CEP78: variants seen among roughly 807,000 people sequenced by gnomAD.
The protein encoded by CEP78 is centrosomal protein 78, also known as centrosomal protein of 78 kDa.
Under a neutral mutation model 81.2 loss-of-function variants are expected in CEP78, and 76 were observed. The ratio of observed to expected loss-of-function variants is 0.94; its 90% confidence interval spans 0.78 to 1.13. CEP78 has a LOEUF of 1.13. Among genes scored for constraint, CEP78 ranks in the 50% most tolerant of loss-of-function variants. The pLI, the probability that CEP78 is intolerant of heterozygous loss-of-function variation, is 0.00. For synonymous variants in CEP78, 293 were observed against 301.4 expected (o/e 0.97, Z 0.29); for missense variants, 918 against 846.8 (o/e 1.08, Z -1.04).
intron 9 of CEP78, among the ~76,000 whole-genome samples, chr9:78,252,942 G>A (rs536813961): frequency 1.3e-5 from 2 of 152,196 alleles, no homozygotes; most frequent in Non-Finnish European, 2.9e-5. Context: ...ACAAGGAGTT[G>A]TGAATTAGAG....
chr9:78,258,919 G>A (rs1032936283), intron 11 of CEP78, among the ~76,000 whole-genome samples: 1 of 152,130 alleles, frequency 6.6e-6, no homozygotes, highest in Non-Finnish European at 1.5e-5. Flanking sequence ...AAGTATAAGT[G>A]AGCACACCTA....
intron 6 of CEP78, among the ~76,000 whole-genome samples, chr9:78,247,251 G>A (rs1322201411): frequency 6.6e-6 from 1 of 152,208 alleles, no homozygotes; most frequent in Non-Finnish European, 1.5e-5. Flanking sequence ...ATACCGTAAG[G>A]TAAGAAGACA....
intron 11 of CEP78, among the ~76,000 whole-genome samples, chr9:78,255,738 G>A (rs1414941569): frequency 2.6e-5 from 4 of 152,198 alleles, no homozygotes; most frequent in African/African-American, 4.8e-5. Flanking sequence ...TATAGATAAT[G>A]TAGAATTGTC....
intron 4 of CEP78, among the ~76,000 whole-genome samples, chr9:78,242,681 A>G (rs1826291046): frequency 6.6e-6 from 1 of 152,208 alleles, no homozygotes; most frequent in South Asian, 2.1e-4. Flanking sequence ...ACGGAGTCAT[A>G]GGAGCTTTGA....
In CEP78 at chr9:78,272,328, A is replaced by G. The variant is rs1332366727; in HGVS notation, c.*1477A>G. 1.3e-5 allele frequency: 2 copies of G among 152,266 alleles called. No homozygotes were observed. The highest frequency in any genetic ancestry group is 2.4e-5 in the African/African-American group (1 of 41,460). The allele number at this position is 152,266 out of a possible 1,614,324, so 9.4% of individuals were successfully genotyped here. A position where few individuals can be genotyped will look rare whatever the true frequency, so the allele number is the denominator to read the frequency against. Reference sequence around the variant, plus strand: ...GACCTGAGCCACTGTGCCCAGCCCCATGAAAGATGTTTAGATCAAATAAAC... The same window carrying G: ...GACCTGAGCCACTGTGCCCAGCCCCGTGAAAGATGTTTAGATCAAATAAAC... On this transcript the variant is annotated 3_prime_UTR_variant, in exon 17 of 17. Transcript: ENST00000643273.
Position 78,265,534 on chromosome 9 carries a change from A to G in CEP78, c.1788A>G (p.Gln596=), listed in dbSNP as rs61730341. 3,026 of 1,566,260 alleles carry G rather than the reference A, an allele frequency of 1.9e-3. 58 individuals are homozygous for G. In the African/African-American group the frequency reaches 0.034, roughly 17 times the overall value. Residue 596 remains glutamine, a synonymous_variant, in exon 14 of 17, where the codon CAA becomes CAG. Coordinates refer to ENST00000643273, the MANE Select transcript of CEP78 (RefSeq NM_001330691.3). ...AGCAGAATGCCCTAGGGCAAATGCAAAATATCCAGGTAAATGAATAGAACA... is the reference window on the plus strand; with the variant it reads ...AGCAGAATGCCCTAGGGCAAATGCAGAATATCCAGGTAAATGAATAGAACA... ...EPKQNALGQM[Q]NIQVSICMQS...
chr9:78,237,069 C>T (rs1432833301), intron 1 of CEP78, among the ~76,000 whole-genome samples: 1 of 148,754 alleles, frequency 6.7e-6, no homozygotes, highest in Non-Finnish European at 1.5e-5. Flanking sequence ...CAACCTCCGC[C>T]TCCCGGGTTC....
intron 16 of CEP78, among the ~76,000 whole-genome samples, chr9:78,268,011 C>T (rs1827604549): frequency 6.6e-6 from 1 of 151,914 alleles, no homozygotes; most frequent in East Asian, 1.9e-4. Context: ...AAGATGTAAT[C>T]TTGGCTTTTT....
At chr9:78,263,233 G>A (rs1212531104) in intron 12 of CEP78, among the ~76,000 whole-genome samples, 1 of 152,004 alleles carries the variant, frequency 6.6e-6, no homozygotes, top group African/African-American at 2.4e-5. Context: ...TATGACTGGA[G>A]CTTATTTTCT....
In CEP78 at chr9:78,273,613, G is replaced by A. The variant is rs1827743186; in HGVS notation, c.*2762G>A. 6.6e-6 allele frequency: 1 copy of A among 151,704 alleles called. No individual in the cohort carries two copies. Among genetic ancestry groups the A allele is most frequent in the Non-Finnish European group, 1.5e-5 (1 of 68,042 alleles). The allele number at this position is 151,704 out of a possible 1,614,324, so 9.4% of individuals were successfully genotyped here. A position where few individuals can be genotyped will look rare whatever the true frequency, so the allele number is the denominator to read the frequency against. The stretch of plus-strand genomic sequence containing the variant: ...AAAAAAAAAATTAGCTGGGTGTCAT[G>A]GCGCATGCCTGTAATCCCAGCTACT... On this transcript the variant is annotated 3_prime_UTR_variant, in exon 17 of 17. Coordinates refer to ENST00000643273, the MANE Select transcript of CEP78 (RefSeq NM_001330691.3).
intron 11 of CEP78, among the ~76,000 whole-genome samples, chr9:78,260,306 AT>A (rs769936876): frequency 4.6e-5 from 7 of 151,872 alleles, no homozygotes; most frequent in Non-Finnish European, 8.8e-5. Context: ...AAAAGTGGTT[AT>A]TTTATCTTAT....
At chr9:78,267,067 AT>A in intron 16 of CEP78, 1 of 1,089,192 alleles carries the variant, frequency 9.2e-7, no homozygotes, top group Non-Finnish European at 1.2e-6. Flanking sequence ...TTATGTTTTT[AT>A]TATGGCATAT....
At chr9:78,255,318 T>C (rs1826967750) in intron 11 of CEP78, among the ~76,000 whole-genome samples, 2 of 152,226 alleles carry the variant, frequency 1.3e-5, no homozygotes, top group South Asian at 4.1e-4. Context: ...AGGCCTTATC[T>C]TTTTGTGTGT....
At chr9:78,260,444 A>T (rs1022914289) in intron 11 of CEP78, among the ~76,000 whole-genome samples, 5 of 152,192 alleles carry the variant, frequency 3.3e-5, no homozygotes, top group African/African-American at 1.2e-4. Flanking sequence ...GCGGTGGCTC[A>T]CGCCTGTAAT....
At chr9:78,254,722 A>G (rs1156988457) in intron 10 of CEP78, 114 bp from the exon 11 acceptor site, 3 of 709,312 alleles carry the variant, frequency 4.2e-6, no homozygotes, top group Non-Finnish European at 6.8e-6. Context: ...AGGAGTAGTG[A>G]TAGACATTTA....
Position 78,266,608 on chromosome 9 carries a change from C to T in CEP78, c.2012C>T (p.Pro671Leu), listed in dbSNP as rs770261747. Reference sequence around the variant, plus strand: ...GGATTCATTGCTAGAATGTGTTCTCCTTCACCAGATGCGACTTCTGGAACT... The same window carrying T: ...GGATTCATTGCTAGAATGTGTTCTCTTTCACCAGATGCGACTTCTGGAACT... ...FEGFIARMCS[P>L]SPDATSGTGS... is the part of the protein sequence containing the mutation. Residue 671 changes from proline (P) to leucine (L), a missense_variant, in exon 16 of 17, where the codon CCT becomes CTT. Pro to Leu is a moderately conservative substitution (Grantham distance 98). Coordinates refer to ENST00000643273, the MANE Select transcript of CEP78 (RefSeq NM_001330691.3). 59 of 1,613,394 alleles carry T rather than the reference C, an allele frequency of 3.7e-5. No individual in the cohort carries two copies. In the East Asian group the frequency reaches 1.2e-3, roughly 34 times the overall value.
Position 78,265,548 on chromosome 9 carries a change from A to G in CEP78, c.1797+5A>G, listed in dbSNP as rs750594582. 3.0e-5 allele frequency: 47 copies of G among 1,559,272 alleles called. No homozygotes were observed. The highest frequency in any genetic ancestry group is 2.9e-4 in the Admixed American group (15 of 51,318). On this transcript the variant is annotated splice_donor_5th_base_variant and intron_variant, in intron 14 of 16. Coordinates refer to ENST00000643273, the MANE Select transcript of CEP78 (RefSeq NM_001330691.3). ...GGGCAAATGCAAAATATCCAGGTAA[A>G]TGAATAGAACAGAACTTAGTGATTC...
rs1378982275 is a variant in CEP78, at chr9:78,278,595, T to A, written c.*7744T>A. The A allele has an allele frequency of 6.6e-6, 1 of 152,230 alleles. No individual in the cohort carries two copies. Among genetic ancestry groups the A allele is most frequent in the East Asian group, 1.9e-4 (1 of 5,196 alleles). The allele number at this position is 152,230 out of a possible 1,614,324, so 9.4% of individuals were successfully genotyped here. On this transcript the variant is annotated 3_prime_UTR_variant, in exon 17 of 17. Transcript: ENST00000643273. ...TCACGAAGTATGTTTCACAATCCAC[T>A]AATGGGTAATGTCCTACTGTTTGGA...
chr9:78,241,424 G>T (rs1372080332), intron 3 of CEP78, among the ~76,000 whole-genome samples: 1 of 152,056 alleles, frequency 6.6e-6, no homozygotes, highest in African/African-American at 2.4e-5. Context: ...AAAGTATATA[G>T]AACTTTACTG....
Sources: allele counts gnomAD v4.1 joint callset (sites outside exome capture counted in the v4.1 genomes callset), GRCh38; gene constraint gnomAD v4.1.1; transcripts MANE v1.5; gene names NCBI Gene and HGNC (gene_info 2026-07-23, HGNC 2026-07-21).